Variants in MCCC1 observed in about 807,000 individuals in gnomAD.
MCCC1 encodes methylcrotonoyl-CoA carboxylase subunit alpha, mitochondrial.
A neutral mutation model predicts 83.8 loss-of-function variants in MCCC1; 64 were observed. That is an observed-to-expected ratio of 0.76 (90% confidence interval 0.62 to 0.94). The LOEUF (loss-of-function observed/expected upper bound fraction) is 0.94, where lower values mean the gene tolerates loss of function less well. MCCC1 is among the 40% of genes least tolerant of loss of function. The pLI, the probability that MCCC1 is intolerant of heterozygous loss-of-function variation, is 0.00. For synonymous variants in MCCC1, 322 were observed against 315.4 expected (o/e 1.02, Z -0.22); for missense variants, 807 against 904.7 (o/e 0.89, Z 1.39).
At chr3:183,099,742 C>T (rs777403454), upstream of MCCC1, among the ~76,000 whole-genome samples, 24 of 152,226 alleles carry the variant, frequency 1.6e-4, no homozygotes, top group Non-Finnish European at 2.8e-4. Flanking sequence ...CATCCTCCCC[C>T]TCTTGGTTGC....
chr3:183,080,468 A>G (rs1206963180), intron 4 of MCCC1, among the ~76,000 whole-genome samples: 1 of 152,164 alleles, frequency 6.6e-6, no homozygotes, highest in Non-Finnish European at 1.5e-5. Flanking sequence ...TCTCATCTCC[A>G]TCTGAGACCA....
chr3:183,031,253 T>A (rs1540736), intron 14 of MCCC1, among the ~76,000 whole-genome samples: 1 of 152,154 alleles, frequency 6.6e-6, no homozygotes, highest in East Asian at 1.9e-4. Flanking sequence ...TCATTGGCCT[T>A]TTCTGAAAAT....
At chr3:183,107,528 TTATTATTTG>T (rs1719425721) in intron 1 of MCCC1, among the ~76,000 whole-genome samples, 2 of 151,488 alleles carry the variant, frequency 1.3e-5, no homozygotes, top group African/African-American at 4.9e-5. Flanking sequence ...ATTATTATTA[TTATTATTTG>T]TTGTTGTTGT....
upstream of MCCC1, among the ~76,000 whole-genome samples, chr3:183,102,035 ACACT>A (rs1272138521): frequency 2.6e-5 from 4 of 152,280 alleles, no homozygotes; most frequent in East Asian, 5.8e-4. Context: ...AAGAGCTGTA[ACACT>A]CACCGCGAGG....
chr3:183,046,505 C>T (rs921246339), intron 9 of MCCC1, among the ~76,000 whole-genome samples: 1 of 151,564 alleles, frequency 6.6e-6, no homozygotes, highest in East Asian at 1.9e-4. Flanking sequence ...TCAAGCAATT[C>T]CTCCACCTCA....
chr3:183,098,936 T>C, intron 1 of MCCC1: 1 of 275,824 alleles, frequency 3.6e-6, no homozygotes. Context: ...CCCCATTTCT[T>C]ACTAGCTGTG....
chr3:183,017,977 C>T (rs1711821625), intron 17 of MCCC1, among the ~76,000 whole-genome samples: 2 of 149,848 alleles, frequency 1.3e-5, no homozygotes, highest in African/African-American at 4.9e-5. Flanking sequence ...GGCCTACAGC[C>T]CAAATGCACT....
chr3:183,065,268 G>C (rs901850860), intron 7 of MCCC1, among the ~76,000 whole-genome samples: 1 of 151,892 alleles, frequency 6.6e-6, no homozygotes, highest in Non-Finnish European at 1.5e-5. Context: ...TTGGGAGCTT[G>C]ACCTTGTAAC....
chr3:183,114,489 A>G (rs1200643767), intron 1 of MCCC1, among the ~76,000 whole-genome samples: 3 of 152,158 alleles, frequency 2.0e-5, no homozygotes, highest in African/African-American at 4.8e-5. Flanking sequence ...TCAGAATTGA[A>G]TTGAAGGAAG....
rs565442866 is a variant in MCCC1, at chr3:183,051,325, G to A, written c.955+834C>T. The stretch of plus-strand genomic sequence containing the variant: ...ATAAACTCTGAGACATCGAGACAAC[G>A]AAATATTATTCAGCATAAAAAAGAA... On this transcript the variant is annotated intron_variant, in intron 9 of 18. Transcript: ENST00000265594. Among the ~76,000 whole-genome samples, 16 of 152,048 alleles carry A rather than the reference G, an allele frequency of 1.1e-4. No individual in the cohort carries two copies. In the South Asian group the frequency reaches 2.5e-3, roughly 24 times the overall value.
chr3:183,089,877 C>T (rs182223463), intron 3 of MCCC1, among the ~76,000 whole-genome samples: 5 of 152,052 alleles, frequency 3.3e-5, no homozygotes, highest in Non-Finnish European at 7.4e-5. Context: ...GGTGAAAGGT[C>T]ATGAGTTCAA....
chr3:183,049,403 T>G (rs1311528807), intron 9 of MCCC1, among the ~76,000 whole-genome samples: 1 of 151,730 alleles, frequency 6.6e-6, no homozygotes, highest in Non-Finnish European at 1.5e-5. Context: ...AACCCATCTC[T>G]ACTAAAAAAA....
At chr3:183,052,971 A>G (rs903486905) in intron 8 of MCCC1, among the ~76,000 whole-genome samples, 2 of 152,176 alleles carry the variant, frequency 1.3e-5, no homozygotes, top group African/African-American at 2.4e-5. Context: ...TTAACTGTAA[A>G]ACAGCCTCAG....
rs193164116 is a variant in MCCC1 at position 183,034,257 on chromosome 3, T to C, written c.1595-180A>G. 7.7e-3 allele frequency among the ~76,000 whole-genome samples: 1,171 copies of C among 152,212 alleles called. 19 individuals carry two copies. The highest frequency in any genetic ancestry group is 0.027 in the African/African-American group (1,117 of 41,542). On this transcript the variant is annotated intron_variant, in intron 13 of 18. Transcript: ENST00000265594. ...TGAGGTCAGGAGATCGAGACCATCC[T>C]AGCTAACACGGTGAAACCCCGTCTC...
chr3:183,038,784 C>T (rs763676964), intron 12 of MCCC1, among the ~76,000 whole-genome samples: 3 of 152,132 alleles, frequency 2.0e-5, no homozygotes, highest in Admixed American at 1.3e-4. Flanking sequence ...AGGATTTCAC[C>T]GAAGCATAGC....
intron 10 of MCCC1, among the ~76,000 whole-genome samples, chr3:183,044,923 TGTC>T (rs1714419643): frequency 6.6e-6 from 1 of 151,526 alleles, no homozygotes; most frequent in South Asian, 2.1e-4. Flanking sequence ...TTGTTGTTGT[TGTC>T]GTTGTTGTTG....
At chr3:183,069,867 C>T (rs1039800076) in intron 7 of MCCC1, among the ~76,000 whole-genome samples, 4 of 152,176 alleles carry the variant, frequency 2.6e-5, no homozygotes, top group African/African-American at 9.7e-5. Context: ...GGGATTCACA[C>T]TGCATTTGCT....
chr3:183,091,111 G>A (rs542119288), intron 3 of MCCC1: 8 of 447,036 alleles, frequency 1.8e-5, no homozygotes, highest in African/African-American at 1.6e-4. Context: ...CACAGAGTGA[G>A]AAAAACAGTG....
intron 14 of MCCC1, 51 bp downstream of exon 14, chr3:183,033,940 T>C (rs370599922): frequency 2.2e-6 from 3 of 1,368,154 alleles, no homozygotes; most frequent in Non-Finnish European, 3.1e-6. Flanking sequence ...TTCAGATTAA[T>C]GTGATACATT....
Sources: gnomAD v4.1 joint callset for allele counts (sites outside exome capture counted in the v4.1 genomes callset) on GRCh38, gnomAD v4.1.1 for gene constraint, MANE v1.5 for transcripts, NCBI Gene and HGNC (gene_info 2026-07-23, HGNC 2026-07-21) for gene names.